The following SLC24A4 variants were observed in gnomAD, a reference collection of about 807,000 sequenced individuals.
SLC24A4 encodes sodium/potassium/calcium exchanger 4.
A neutral mutation model predicts 79.0 loss-of-function variants in SLC24A4; 53 were observed. The observed-to-expected ratio is 0.67, with a 90% CI of 0.54 to 0.84. The LOEUF (loss-of-function observed/expected upper bound fraction) is 0.84. Among genes scored for constraint, SLC24A4 ranks in the 40% least tolerant of loss-of-function variants. The pLI, the probability that SLC24A4 is intolerant of heterozygous loss-of-function variation, is 0.00. For missense variants in SLC24A4, 731 were observed against 822.0 expected (o/e 0.89, Z 1.35); for synonymous variants, 323 against 323.8 (o/e 1.00, Z 0.03).
chr14:92,325,933 G>A lies in SLC24A4; in HGVS notation c.196G>A (p.Ala66Thr), dbSNP rs1424973449. ...CACGTGGAGAAATAGAAAGTTGATG[G>A]CCCCAGTGAATGGGACACAGACAGC... is the stretch of plus-strand genomic sequence containing the variant. ...PDTWRNRKLM[A>T]PVNGTQTAKN... The change falls in exon 2 of 17, where the codon GCC becomes ACC. Residue 66 changes from alanine to threonine, a missense_variant. Transcript: ENST00000532405. 13 of 1,612,912 alleles carry A rather than the reference G, an allele frequency of 8.1e-6. No homozygotes were observed. Among genetic ancestry groups the A allele is most frequent in the African/African-American group, 1.3e-5 (1 of 74,922 alleles).
chr14:92,431,965 GGGT>G (rs1891898437), intron 2 of SLC24A4, among the ~76,000 whole-genome samples: 1 of 152,202 alleles, frequency 6.6e-6, no homozygotes, highest in Non-Finnish European at 1.5e-5. Context: ...GTAGATGCCT[GGGT>G]GCTCTGAGCT....
chr14:92,474,748 C>A (rs1165109513), intron 12 of SLC24A4, among the ~76,000 whole-genome samples: 73 of 10,016 alleles, frequency 7.3e-3, no homozygotes, highest in African/African-American at 0.013. Context: ...CGTATATATA[C>A]GTGTGTGTAT....
At chr14:92,467,782 G>A (rs1299172374) in intron 12 of SLC24A4, among the ~76,000 whole-genome samples, 1 of 152,162 alleles carries the variant, frequency 6.6e-6, no homozygotes, top group Non-Finnish European at 1.5e-5. Flanking sequence ...GATCTTCATA[G>A]GCCAGCACAG....
chr14:92,398,785 C>T lies in SLC24A4; in HGVS notation c.242-35127C>T, dbSNP rs1054701852. 2.6e-5 allele frequency among the ~76,000 whole-genome samples: 4 copies of T among 152,206 alleles called. No individual in the cohort carries two copies. The highest frequency in any genetic ancestry group is 2.1e-4 in the South Asian group (1 of 4,830). ...CACCTCCTGCCCTCAGTGGAAACCCCGGAGAGATGGCTGCACTAGATGGAG... is the reference window on the plus strand; with the variant it reads ...CACCTCCTGCCCTCAGTGGAAACCCTGGAGAGATGGCTGCACTAGATGGAG... On this transcript the variant is annotated intron_variant, in intron 2 of 16. Coordinates refer to ENST00000532405, the MANE Select transcript of SLC24A4 (RefSeq NM_153646.4). The surrounding 1 kb of genome is among the most constrained non-coding windows in gnomAD (Gnocchi z 4.1).
chr14:92,361,660 G>A (rs770361433), intron 2 of SLC24A4, among the ~76,000 whole-genome samples: 4 of 152,188 alleles, frequency 2.6e-5, no homozygotes, highest in Non-Finnish European at 5.9e-5. Context: ...GTGCACAAGC[G>A]TACTGTTTGG....
At chr14:92,481,156 A>G (rs1895047940) in intron 12 of SLC24A4, among the ~76,000 whole-genome samples, 1 of 152,208 alleles carries the variant, frequency 6.6e-6, no homozygotes, top group Non-Finnish European at 1.5e-5. Context: ...TTAGGCAGAG[A>G]TGAAAGCTTA....
At chr14:92,379,562 C>T (rs1655507458) in intron 2 of SLC24A4, among the ~76,000 whole-genome samples, 2 of 152,106 alleles carry the variant, frequency 1.3e-5, no homozygotes, top group South Asian at 2.1e-4. Context: ...CCTGCCCCCT[C>T]CTCCTCTCTG....
chr14:92,380,121 G>T (rs1247626936), intron 2 of SLC24A4, among the ~76,000 whole-genome samples: 1 of 152,242 alleles, frequency 6.6e-6, no homozygotes, highest in African/African-American at 2.4e-5. Context: ...AAGGCAGGAG[G>T]ACATGGCGCT....
chr14:92,364,006 C>T (rs1036772386), intron 2 of SLC24A4, among the ~76,000 whole-genome samples: 4 of 152,154 alleles, frequency 2.6e-5, no homozygotes, highest in East Asian at 1.9e-4. Context: ...TTGGCCATCT[C>T]GTCTGTCCTG....
intron 2 of SLC24A4, among the ~76,000 whole-genome samples, chr14:92,381,741 A>G (rs1276406250): frequency 2.0e-5 from 3 of 148,062 alleles, no homozygotes; most frequent in Admixed American, 1.4e-4. Flanking sequence ...ATGCCTGCAC[A>G]TTGGAATCAC....
rs1193696909 is a variant in SLC24A4, at chr14:92,353,937, T to G, written c.241+27959T>G. 6.6e-6 allele frequency among the ~76,000 whole-genome samples: 1 copy of G among 152,226 alleles called. No individual in the cohort carries two copies. The highest frequency in any genetic ancestry group is 2.4e-5 in the African/African-American group (1 of 41,462). On this transcript the variant is annotated intron_variant, in intron 2 of 16. Coordinates refer to ENST00000532405, the MANE Select transcript of SLC24A4 (RefSeq NM_153646.4). This position sits in a 1 kb window ranked among gnomAD's most constrained non-coding sequence, Gnocchi z 4.1. ...CGGCCGGCCCAGAGAGCAGGAGAGT[T>G]GATGGGCTGACCCCGTGCTGGAGTC...
intron 2 of SLC24A4, among the ~76,000 whole-genome samples, chr14:92,421,016 A>C (rs12147409): frequency 0.32 from 48,849 of 151,768 alleles, 8,135 homozygotes; most frequent in Non-Finnish European, 0.35. Context: ...TCTGGAGATG[A>C]GCTCACCTTC....
Position 92,398,478 on chromosome 14 carries a change from G to T in SLC24A4, c.242-35434G>T, listed in dbSNP as rs910573570. Among the ~76,000 whole-genome samples the T allele has an allele frequency of 6.6e-6, 1 of 152,178 alleles. No homozygotes were observed. Among genetic ancestry groups the T allele is most frequent in the Non-Finnish European group, 1.5e-5 (1 of 68,028 alleles). ...AGGTGGGAAAGAGAGAAGGGAAAGA[G>T]TACAGAACAGGGCAGCCTCCAACGT... On this transcript the variant is annotated intron_variant, in intron 2 of 16. Transcript: ENST00000532405. This position sits in a 1 kb window ranked among gnomAD's most constrained non-coding sequence, Gnocchi z 4.1.
intron 7 of SLC24A4, among the ~76,000 whole-genome samples, chr14:92,444,364 T>A (rs758257906): frequency 6.6e-6 from 1 of 152,172 alleles, no homozygotes; most frequent in Admixed American, 6.5e-5. Flanking sequence ...AAATGCAAAC[T>A]GATGCCCAAG....
chr14:92,375,428 A>G (rs570693318), intron 2 of SLC24A4, among the ~76,000 whole-genome samples: 1 of 152,390 alleles, frequency 6.6e-6, no homozygotes, highest in African/African-American at 2.4e-5. Flanking sequence ...GAATTACCAT[A>G]TGACCCAGCA....
rs1025042614 is a variant in SLC24A4, at chr14:92,408,497, GGA to G, written c.242-25413_242-25412del. 8 of 911,526 alleles carry G rather than the reference GGA, an allele frequency of 8.8e-6. No homozygotes were observed. The African/African-American group carries it at 1.4e-4, about 16-fold the overall frequency. 56.5% of individuals were successfully genotyped at this position (911,526 alleles called of 1,614,324 possible). On this transcript the variant is annotated intron_variant, in intron 2 of 16. Coordinates refer to ENST00000532405, the MANE Select transcript of SLC24A4 (RefSeq NM_153646.4). Reference sequence around the variant, plus strand: ...CTGATTGTTTTAATGATGGCTGTGAGGAGTGAGCCAAGGTAGAAAACCTCCCG... The same window carrying G: ...CTGATTGTTTTAATGATGGCTGTGAGGTGAGCCAAGGTAGAAAACCTCCCG...
At chr14:92,455,612 A>G (rs1267291046) in intron 11 of SLC24A4, among the ~76,000 whole-genome samples, 3 of 152,228 alleles carry the variant, frequency 2.0e-5, no homozygotes, top group African/African-American at 4.8e-5. Context: ...CCTCTGGAGT[A>G]GGGGTATGTA....
chr14:92,393,016 AG>A (rs1889566858), intron 2 of SLC24A4, among the ~76,000 whole-genome samples: 1 of 151,826 alleles, frequency 6.6e-6, no homozygotes, highest in Admixed American at 6.6e-5. Context: ...GCCATCTATG[AG>A]GGACACCTCT....
intron 1 of SLC24A4, among the ~76,000 whole-genome samples, 153 bp from the exon 2 acceptor site, chr14:92,325,715 T>C (rs1238843966): frequency 2.6e-5 from 4 of 152,174 alleles, no homozygotes; most frequent in Non-Finnish European, 2.9e-5. Flanking sequence ...AAGCAGGTGA[T>C]ATTATACTTC....
Sources: allele counts gnomAD v4.1 joint callset (sites outside exome capture counted in the v4.1 genomes callset), GRCh38; gene constraint gnomAD v4.1.1; non-coding constraint Gnocchi (gnomAD v3.1); transcripts MANE v1.5; gene names NCBI Gene and HGNC (gene_info 2026-07-23, HGNC 2026-07-21).